Variants in PCDH15 observed in about 807,000 individuals in gnomAD.
PCDH15 encodes the protein protocadherin-15.
In PCDH15, 129 loss-of-function variants were observed where a neutral mutation model predicts 178.5. That is an observed-to-expected ratio of 0.72 (90% CI 0.63 to 0.84). The LOEUF is 0.84. PCDH15 is among the 40% of genes least tolerant of loss of function. The pLI is 0.00. For synonymous variants in PCDH15, 800 were observed against 732.0 expected (o/e 1.09, Z -1.50); for missense variants, 2,230 against 2,099.9 (o/e 1.06, Z -1.21).
At chr10:54,726,253 G>T (rs1942480805) in intron 1 of PCDH15, among the ~76,000 whole-genome samples, 1 of 151,254 alleles carries the variant, frequency 6.6e-6, no homozygotes, top group Non-Finnish European at 1.5e-5. Flanking sequence ...ACATTCCACA[G>T]AAAAAAATTA....
intron 20 of PCDH15, among the ~76,000 whole-genome samples, chr10:54,006,325 AT>A: frequency 6.6e-6 from 1 of 152,344 alleles, no homozygotes; most frequent in East Asian, 1.9e-4. Context: ...AGAGGGAAAC[AT>A]TTGAAAGCCA....
At chr10:55,047,733 A>G (rs1378714698) in intron 2 of PCDH15, among the ~76,000 whole-genome samples, 2 of 151,812 alleles carry the variant, frequency 1.3e-5, no homozygotes, top group Non-Finnish European at 3.0e-5. Context: ...TTTCCAAAAA[A>G]ATAAATGTTT....
At chr10:55,160,455 T>C (rs1334652989) in intron 2 of PCDH15, among the ~76,000 whole-genome samples, 1 of 151,828 alleles carries the variant, frequency 6.6e-6, no homozygotes, top group Admixed American at 6.6e-5. Flanking sequence ...CTTTTTTTGG[T>C]CCCCAAAACT....
At chr10:54,695,918 C>T (rs1379065670) in intron 1 of PCDH15, among the ~76,000 whole-genome samples, 1 of 151,920 alleles carries the variant, frequency 6.6e-6, no homozygotes, top group Non-Finnish European at 1.5e-5. Flanking sequence ...TGACAATGCA[C>T]CTAGTCACCC....
chr10:54,058,826 C>T (rs992176441), intron 18 of PCDH15, among the ~76,000 whole-genome samples: 20 of 152,024 alleles, frequency 1.3e-4, no homozygotes, highest in African/African-American at 4.3e-4. Flanking sequence ...TCCTGGGTAG[C>T]TGGGATTACA....
chr10:55,090,262 T>C (rs1185959553), intron 2 of PCDH15, among the ~76,000 whole-genome samples: 1 of 152,030 alleles, frequency 6.6e-6, no homozygotes, highest in Admixed American at 6.6e-5. Flanking sequence ...GTCTTCAGTA[T>C]TAAACTTAAA....
At chr10:54,064,624 A>T (rs1403394757) in intron 18 of PCDH15, among the ~76,000 whole-genome samples, 5 of 152,112 alleles carry the variant, frequency 3.3e-5, no homozygotes, top group Non-Finnish European at 5.9e-5. Context: ...TCCTATGTTC[A>T]TTGGCGCCCA....
chr10:54,847,158 T>A (rs1444280771), intron 3 of PCDH15, among the ~76,000 whole-genome samples: 1 of 152,176 alleles, frequency 6.6e-6, no homozygotes, highest in Non-Finnish European at 1.5e-5. Flanking sequence ...GCATAGACTT[T>A]GTCTGACCTT....
At chr10:55,175,703 A>G (rs571867933) in intron 1 of PCDH15, among the ~76,000 whole-genome samples, 70 of 151,624 alleles carry the variant, frequency 4.6e-4, no homozygotes, top group Non-Finnish European at 9.4e-4. Flanking sequence ...AAGAAAAGAA[A>G]AAAGAAAAAG....
chr10:54,842,165 A>C (rs543104445), intron 3 of PCDH15, among the ~76,000 whole-genome samples: 2 of 133,072 alleles, frequency 1.5e-5, no homozygotes, highest in Non-Finnish European at 3.2e-5. Flanking sequence ...AGAGAAAGGA[A>C]AAGTGTGTGT....
intron 21 of PCDH15, among the ~76,000 whole-genome samples, chr10:53,993,694 C>T (rs1015791401): frequency 6.6e-6 from 1 of 152,010 alleles, no homozygotes; most frequent in Non-Finnish European, 1.5e-5. Flanking sequence ...ATTTCAAAAA[C>T]GTTCATGGAA....
intron 21 of PCDH15, among the ~76,000 whole-genome samples, chr10:53,968,380 C>T (rs1006744992): frequency 2.0e-5 from 3 of 152,194 alleles, no homozygotes; most frequent in East Asian, 1.9e-4. Context: ...GAGCCCACCA[C>T]AGCTCAAGGA....
intron 2 of PCDH15, among the ~76,000 whole-genome samples, chr10:55,355,886 C>A (rs1440066734): frequency 6.6e-6 from 1 of 151,874 alleles, no homozygotes; most frequent in Non-Finnish European, 1.5e-5. Flanking sequence ...TGATTCTTAA[C>A]CTGGATTAAC....
chr10:54,000,412 A>G (rs1244368320), intron 20 of PCDH15, among the ~76,000 whole-genome samples: 1 of 152,178 alleles, frequency 6.6e-6, no homozygotes, highest in Non-Finnish European at 1.5e-5. Context: ...AGTTGTTTTG[A>G]GAAAACTCAA....
At chr10:54,309,903 C>A (rs2060797572) in intron 8 of PCDH15, among the ~76,000 whole-genome samples, 1 of 151,920 alleles carries the variant, frequency 6.6e-6, no homozygotes, top group African/African-American at 2.4e-5. Context: ...GAAAGAAAAA[C>A]ATTCATAGTA....
intron 3 of PCDH15, among the ~76,000 whole-genome samples, chr10:54,851,263 A>C (rs1217025092): frequency 6.6e-6 from 1 of 152,130 alleles, no homozygotes; most frequent in Non-Finnish European, 1.5e-5. Context: ...TACCCACAAA[A>C]ATTAAAAAAG....
intron 2 of PCDH15, among the ~76,000 whole-genome samples, chr10:54,952,384 T>C (rs1219282867): frequency 6.6e-6 from 1 of 151,858 alleles, no homozygotes; most frequent in African/African-American, 2.4e-5. Flanking sequence ...TCCACCAATA[T>C]CACACTGTCG....
At chr10:55,375,691 G>A (rs922957952) in intron 2 of PCDH15, among the ~76,000 whole-genome samples, 1 of 151,990 alleles carries the variant, frequency 6.6e-6, no homozygotes, top group Admixed American at 6.6e-5. Flanking sequence ...GAATTACAAA[G>A]ACAAAAGCTT....
chr10:54,701,368 A>G (rs1262504817), intron 1 of PCDH15, among the ~76,000 whole-genome samples: 3 of 152,048 alleles, frequency 2.0e-5, no homozygotes, highest in Non-Finnish European at 4.4e-5. Flanking sequence ...TTAGTACATA[A>G]ATCGACATTC....
Sources: gnomAD v4.1 joint callset for allele counts (sites outside exome capture counted in the v4.1 genomes callset) on GRCh38, gnomAD v4.1.1 for gene constraint, MANE v1.5 for transcripts, NCBI Gene and HGNC (gene_info 2026-07-23, HGNC 2026-07-21) for gene names.